Variants in MADD observed in about 807,000 individuals in gnomAD.
MADD encodes MAP kinase-activating death domain protein.
In MADD, 109 loss-of-function variants were observed where a neutral mutation model predicts 176.7. That is an observed-to-expected ratio of 0.62 (90% CI 0.53 to 0.72). The LOEUF (loss-of-function observed/expected upper bound fraction) is 0.72. MADD is among the 30% of genes least tolerant of loss of function. MADD has a pLI of 0.00. For synonymous variants in MADD, 771 were observed against 771.3 expected (o/e 1.00, Z 0.01); for missense variants, 1,914 against 2,045.5 (o/e 0.94, Z 1.24).
chr11:47,289,397 G>A, exon 16 of MADD: 1 of 1,613,832 alleles, frequency 6.2e-7, no homozygotes, highest in South Asian at 1.1e-5. Context: ...ACAGGAAACA[G>A]GAGGGCGTTA....
intron 1 of MADD, among the ~76,000 whole-genome samples, chr11:47,273,410 C>T: frequency 6.6e-6 from 1 of 152,078 alleles, no homozygotes; most frequent in East Asian, 1.9e-4. Context: ...GCGATCTCAG[C>T]TCACCACAGC....
exon 14 of MADD, chr11:47,285,452 G>C: frequency 6.2e-7 from 1 of 1,614,084 alleles, no homozygotes; most frequent in Non-Finnish European, 8.5e-7. Context: ...GCATTCAAGG[G>C]CTCAAAAGCT....
exon 8 of MADD, chr11:47,281,645 T>A: frequency 6.2e-7 from 1 of 1,613,442 alleles, no homozygotes; most frequent in Non-Finnish European, 8.5e-7. Flanking sequence ...GGCCAGGAGA[T>A]CCCCCTTCTC....
chr11:47,275,088 C>T (rs766139888), exon 3 of MADD: 1 of 1,614,244 alleles, frequency 6.2e-7, no homozygotes, highest in Non-Finnish European at 8.5e-7. Context: ...TGTATACTCT[C>T]AAGCGCCTGG....
intron 22 of MADD, 70 bp downstream of exon 24, chr11:47,296,125 G>T: frequency 1.3e-6 from 2 of 1,543,202 alleles, no homozygotes; most frequent in South Asian, 2.4e-5. Context: ...AGAAAAGAAT[G>T]AAAGTTAAGA....
At chr11:47,290,909 C>A in intron 19 of MADD, 93 bp downstream of exon 20, 1 of 1,054,002 alleles carries the variant, frequency 9.5e-7, no homozygotes, top group Non-Finnish European at 1.4e-6. Context: ...CTTTCTCTGC[C>A]CCATGCTTTG....
chr11:47,284,908 AG>A, intron 12 of MADD, 32 bp from the exon 13 acceptor site: 5 of 1,610,578 alleles, frequency 3.1e-6, no homozygotes, highest in Non-Finnish European at 4.2e-6. Flanking sequence ...ATTGGGCACC[AG>A]GTAACCACTT....
intron 26 of MADD, among the ~76,000 whole-genome samples, chr11:47,314,978 T>C (rs1466161476): frequency 6.6e-6 from 1 of 152,194 alleles, no homozygotes; most frequent in Non-Finnish European, 1.5e-5. Flanking sequence ...ATTTCTAGTA[T>C]GTAAATATCT....
intron 1 of MADD, among the ~76,000 whole-genome samples, chr11:47,271,456 C>T (rs1039694892): frequency 6.6e-6 from 1 of 152,132 alleles, no homozygotes; most frequent in Non-Finnish European, 1.5e-5. Flanking sequence ...TCTCAGGGTC[C>T]TTGTGGCTCT....
At chr11:47,328,333 G>A in intron 31 of MADD, 1 of 1,271,612 alleles carries the variant, frequency 7.9e-7, no homozygotes. Flanking sequence ...GCCCTGGACA[G>A]TAGCTGTGAC....
chr11:47,322,965 C>T (rs185578799), intron 27 of MADD, among the ~76,000 whole-genome samples: 56 of 151,772 alleles, frequency 3.7e-4, no homozygotes, highest in Middle Eastern at 3.4e-3. Context: ...GGGCCGGGCG[C>T]GGTGGCTCAC....
At chr11:47,313,844 C>G (rs2091478934) in intron 26 of MADD, among the ~76,000 whole-genome samples, 1 of 151,794 alleles carries the variant, frequency 6.6e-6, no homozygotes, top group African/African-American at 2.4e-5. Flanking sequence ...ACTACAACCT[C>G]CGCCTCCCAG....
chr11:47,286,593 G>T, intron 15 of MADD, 59 bp downstream of exon 15: 1 of 1,347,154 alleles, frequency 7.4e-7, no homozygotes, highest in Non-Finnish European at 1.1e-6. Flanking sequence ...TCGGGCTGTG[G>T]GTTCATGTCA....
intron 15 of MADD, among the ~76,000 whole-genome samples, chr11:47,287,125 A>T (rs949431447): frequency 2.3e-4 from 35 of 152,202 alleles, no homozygotes; most frequent in Admixed American, 2.3e-3. Context: ...GGAGTTCGAG[A>T]CCAGACTGAC....
intron 7 of MADD, among the ~76,000 whole-genome samples, chr11:47,280,001 C>G (rs1187534390): frequency 6.6e-6 from 1 of 152,108 alleles, no homozygotes; most frequent in East Asian, 1.9e-4. Context: ...ACCCAGGAGG[C>G]AGAGGTTGCA....
chr11:47,292,691 C>T, intron 19 of MADD, 95 bp downstream of exon 21: 1 of 1,238,508 alleles, frequency 8.1e-7, no homozygotes, highest in Non-Finnish European at 1.2e-6. Context: ...AGCCCCACCC[C>T]AAATTTGCTC....
Position 47,317,981 on chromosome 11 carries a change from G to C in MADD, c.4197+2654G>C, listed in dbSNP as rs547294811. ...GATGGGGTTTTACCATGTTGGCCAGGGTGGTCTCGCACTCCTGACCTCAAG... is the reference window on the plus strand; with the variant it reads ...GATGGGGTTTTACCATGTTGGCCAGCGTGGTCTCGCACTCCTGACCTCAAG... On this transcript the variant is annotated intron_variant, in intron 27 of 32. Transcript: ENST00000402192. Among the ~76,000 whole-genome samples, 5 of 152,120 alleles carry C rather than the reference G, an allele frequency of 3.3e-5. No homozygotes were observed. In the South Asian group the frequency reaches 1.0e-3, roughly 32 times the overall value.
intron 7 of MADD, 103 bp from the exon 8 acceptor site, chr11:47,281,472 A>G: frequency 1.1e-6 from 1 of 872,826 alleles, no homozygotes; most frequent in Admixed American, 2.9e-5. Flanking sequence ...TTGACCAGAG[A>G]ATACGAGGTA....
At chr11:47,284,897 C>A in intron 12 of MADD, 44 bp from the exon 13 acceptor site, 1 of 1,607,724 alleles carries the variant, frequency 6.2e-7, no homozygotes, top group South Asian at 1.1e-5. Context: ...AGGAAGGTAC[C>A]ATTGGGCACC....
Sources: allele counts gnomAD v4.1 joint callset (sites outside exome capture counted in the v4.1 genomes callset), GRCh38; gene constraint gnomAD v4.1.1; transcripts MANE v1.5; gene names NCBI Gene and HGNC (gene_info 2026-07-23, HGNC 2026-07-21).